Variants in PARD3B observed in about 807,000 individuals in gnomAD.
The protein encoded by PARD3B is partitioning defective 3 homolog B.
In PARD3B, 103 loss-of-function variants were observed where a neutral mutation model predicts 130.2. The observed-to-expected ratio is 0.79, with a 90% CI of 0.67 to 0.93. PARD3B has a LOEUF of 0.93. PARD3B is among the 40% of genes least tolerant of loss of function. The pLI is 0.00. For missense variants in PARD3B, 1,609 were observed against 1,499.2 expected, an observed-to-expected ratio of 1.07 and a Z score of -1.21; for synonymous variants, 583 against 553.2, an observed-to-expected ratio of 1.05 and a Z score of -0.76.
chr2:204,870,069 T>C (rs750408123), intron 2 of PARD3B, among the ~76,000 whole-genome samples: 2 of 152,160 alleles, frequency 1.3e-5, no homozygotes, highest in Non-Finnish European at 2.9e-5. Context: ...TGCATACTAG[T>C]GAAACAGGTA....
chr2:204,601,217 T>C (rs1218380797), intron 1 of PARD3B, among the ~76,000 whole-genome samples: 1 of 151,980 alleles, frequency 6.6e-6, no homozygotes, highest in African/African-American at 2.4e-5. Flanking sequence ...ATTTTTCTAA[T>C]AAGGATTAGT....
At position 205,142,748 on chromosome 2, in the gene PARD3B, C is replaced by T. The variant is rs1047064467; in HGVS notation, c.1435-15974C>T. ...CAAAAATTAGCCAGGCGTGGTGGTG[C>T]GTGCCTGTAATCCCAGCTACTCAGG... On this transcript the variant is annotated intron_variant, in intron 10 of 22. Transcript: ENST00000406610. This position sits in a 1 kb window ranked among gnomAD's most constrained non-coding sequence, Gnocchi z 4.3. 2.0e-5 allele frequency among the ~76,000 whole-genome samples: 3 copies of T among 151,848 alleles called. No individual in the cohort carries two copies. Among genetic ancestry groups the T allele is most frequent in the Non-Finnish European group, 4.4e-5 (3 of 67,968 alleles).
intron 2 of PARD3B, among the ~76,000 whole-genome samples, chr2:204,857,317 A>G (rs2044991935): frequency 6.6e-6 from 1 of 152,148 alleles, no homozygotes; most frequent in Admixed American, 6.6e-5. Context: ...TATCTTAAGA[A>G]TAAATCCTGT....
chr2:204,711,355 G>A (rs562057405), intron 2 of PARD3B, among the ~76,000 whole-genome samples: 1 of 152,088 alleles, frequency 6.6e-6, no homozygotes, highest in South Asian at 2.1e-4. Flanking sequence ...CTTTTTAATA[G>A]TTCATTGTGT....
chr2:205,404,628 C>A (rs2046358704), intron 19 of PARD3B, among the ~76,000 whole-genome samples: 1 of 152,098 alleles, frequency 6.6e-6, no homozygotes, highest in Admixed American at 6.6e-5. Context: ...AAACTATTTA[C>A]CTTCCATTGT....
Position 205,556,087 on chromosome 2 carries a change from C to CTTTT in PARD3B, c.3260+2685_3260+2688dup, listed in dbSNP as rs2052870351. 3.9e-5 allele frequency among the ~76,000 whole-genome samples: 6 copies of CTTTT among 152,114 alleles called. No homozygotes were observed. In the South Asian group the frequency reaches 1.2e-3, roughly 32 times the overall value. On this transcript the variant is annotated intron_variant, in intron 22 of 22. Transcript: ENST00000406610. Reference sequence around the variant, plus strand: ...ATCACGCCAGCTCCACCGCTGTCTCCTTTTGCCAGGAGAGTGAGGCGAGCA... The same window carrying CTTTT: ...ATCACGCCAGCTCCACCGCTGTCTCCTTTTTTTTGCCAGGAGAGTGAGGCGAGCA...
At chr2:204,855,559 A>G (rs1273460650) in intron 2 of PARD3B, among the ~76,000 whole-genome samples, 1 of 148,802 alleles carries the variant, frequency 6.7e-6, no homozygotes, top group East Asian at 2.0e-4. Flanking sequence ...AAAAATATAT[A>G]TATATATATA....
intron 2 of PARD3B, among the ~76,000 whole-genome samples, chr2:204,844,563 G>C (rs1023115793): frequency 1.3e-5 from 2 of 152,072 alleles, no homozygotes; most frequent in African/African-American, 4.8e-5. Flanking sequence ...TAAAAGTTTT[G>C]GTACTAACGT....
intron 21 of PARD3B, among the ~76,000 whole-genome samples, chr2:205,547,129 A>G (rs2052413761): frequency 6.6e-6 from 1 of 152,152 alleles, no homozygotes; most frequent in Admixed American, 6.5e-5. Context: ...TCTATGTCTT[A>G]TGGTACTTCA....
chr2:205,295,304 C>A (rs2041749221), intron 16 of PARD3B, among the ~76,000 whole-genome samples: 1 of 152,090 alleles, frequency 6.6e-6, no homozygotes, highest in African/African-American at 2.4e-5. Flanking sequence ...TAAGGCAAGG[C>A]CAAATTGATA....
At chr2:204,582,523 T>C (rs1197534160) in intron 1 of PARD3B, among the ~76,000 whole-genome samples, 3 of 152,086 alleles carry the variant, frequency 2.0e-5, no homozygotes, top group Non-Finnish European at 4.4e-5. Flanking sequence ...CATTTCACAC[T>C]ATTAAAAGAG....
rs1206315538 is a variant in PARD3B at position 205,471,360 on chromosome 2, T to TTC, written c.3045-28535_3045-28534insCT. 1.8e-3 allele frequency among the ~76,000 whole-genome samples: 257 copies of TTC among 146,588 alleles called. 3 individuals carry two copies. The highest frequency in any genetic ancestry group is 6.1e-3 in the African/African-American group (241 of 39,320). ...CAGTGCAAACTCACTTTTCTTTTTT[T>TTC]TTTTTTTTTTTTTTTTCTGAGACAG... is the stretch of plus-strand genomic sequence containing the variant. On this transcript the variant is annotated intron_variant, in intron 20 of 22. Coordinates refer to ENST00000406610, the MANE Select transcript of PARD3B (RefSeq NM_001302769.2).
intron 18 of PARD3B, among the ~76,000 whole-genome samples, chr2:205,392,333 C>G (rs981425677): frequency 6.6e-6 from 1 of 152,076 alleles, no homozygotes; most frequent in Admixed American, 6.6e-5. Context: ...TTGCCATGAC[C>G]ACCAATTTCA....
chr2:204,909,829 G>A (rs1353962849), intron 2 of PARD3B, among the ~76,000 whole-genome samples: 1 of 152,062 alleles, frequency 6.6e-6, no homozygotes, highest in Non-Finnish European at 1.5e-5. Context: ...GCATGAATCT[G>A]CCATAATTAA....
In PARD3B at chr2:205,616,049, C is replaced by A; in HGVS notation, c.*236C>A. The A allele has an allele frequency of 1.9e-6, 1 of 525,302 alleles. No homozygotes were observed. 32.5% of individuals were successfully genotyped at this position (525,302 alleles called of 1,614,324 possible). A position where few individuals can be genotyped will look rare whatever the true frequency, so the allele number is the denominator to read the frequency against. ...GATGGGGCTATAAAAACAAAACTACCTGATAGTTGAAACGCTTTCAGAGTT... is the reference window on the plus strand; with the variant it reads ...GATGGGGCTATAAAAACAAAACTACATGATAGTTGAAACGCTTTCAGAGTT... On this transcript the variant is annotated 3_prime_UTR_variant, in exon 23 of 23. Transcript: ENST00000406610.
intron 2 of PARD3B, among the ~76,000 whole-genome samples, chr2:204,838,263 A>G (rs926217614): frequency 3.7e-4 from 55 of 150,684 alleles, no homozygotes; most frequent in African/African-American, 1.3e-3. Context: ...GCTCACTGCA[A>G]CCTCCACCTC....
chr2:205,503,970 CTGTT>C (rs1263631510), intron 21 of PARD3B, among the ~76,000 whole-genome samples: 15 of 152,258 alleles, frequency 9.9e-5, no homozygotes, highest in East Asian at 7.7e-4. Context: ...ATTTGGCTCT[CTGTT>C]TGTCTGTTAT....
chr2:204,815,032 TTCTG>T (rs2043097413), intron 2 of PARD3B, among the ~76,000 whole-genome samples: 1 of 151,890 alleles, frequency 6.6e-6, no homozygotes, highest in Admixed American at 6.5e-5. Context: ...TCTGTAATGT[TTCTG>T]TATGATTGTC....
At chr2:204,629,481 A>G (rs1196995528) in intron 1 of PARD3B, among the ~76,000 whole-genome samples, 2 of 152,168 alleles carry the variant, frequency 1.3e-5, no homozygotes, top group Non-Finnish European at 2.9e-5. Context: ...TCACGCCACA[A>G]TGATTACTGC....
Sources: allele counts gnomAD v4.1 joint callset (sites outside exome capture counted in the v4.1 genomes callset), GRCh38; gene constraint gnomAD v4.1.1; non-coding constraint Gnocchi (gnomAD v3.1); transcripts MANE v1.5; gene names NCBI Gene and HGNC (gene_info 2026-07-23, HGNC 2026-07-21).